DPYSL2: variants seen among roughly 807,000 people sequenced by gnomAD.
DPYSL2 encodes the protein dihydropyrimidinase-related protein 2.
DPYSL2 carries 13 observed loss-of-function variants against 69.9 expected under a neutral mutation model. That is an observed-to-expected ratio of 0.19 (90% CI 0.12 to 0.30). The LOEUF is 0.30. Ranked by LOEUF, DPYSL2 falls within the 10% of genes least tolerant of loss-of-function variation. The pLI is 1.00. For missense variants in DPYSL2, 587 were observed against 918.9 expected (o/e 0.64, Z 4.67); for synonymous variants, 326 against 359.1 (o/e 0.91, Z 1.04).
intron 7 of DPYSL2, among the ~76,000 whole-genome samples, chr8:26,628,391 A>C (rs1228481451): frequency 6.6e-6 from 1 of 152,178 alleles, no homozygotes; most frequent in African/African-American, 2.4e-5. Context: ...ATCACATGAT[A>C]TGCAGAGTTT....
In DPYSL2 at chr8:26,530,174, C is replaced by A. The variant is rs193152387; in HGVS notation, c.354+15495C>A. 5.2e-3 allele frequency among the ~76,000 whole-genome samples: 705 copies of A among 135,372 alleles called. 3 individuals carry two copies. Among genetic ancestry groups the A allele is most frequent in the Non-Finnish European group, 7.2e-3 (442 of 61,360 alleles). 88.8% of individuals were successfully genotyped at this position (135,372 alleles called of 152,430 possible). A position where few individuals can be genotyped will look rare whatever the true frequency, so the allele number is the denominator to read the frequency against. Reference sequence around the variant, plus strand: ...AGAATTAACTGAAAAGAAAAAAAAACCAACAACTATCATCTACAACTCTGT... The same window carrying A: ...AGAATTAACTGAAAAGAAAAAAAAAACAACAACTATCATCTACAACTCTGT... On this transcript the variant is annotated intron_variant, in intron 1 of 13. Coordinates refer to ENST00000521913, the MANE Select transcript of DPYSL2 (RefSeq NM_001197293.3).
intron 1 of DPYSL2, among the ~76,000 whole-genome samples, chr8:26,537,136 T>G (rs1243617671): frequency 6.6e-6 from 1 of 152,208 alleles, no homozygotes. Flanking sequence ...AAAGGGCTAT[T>G]AGGAAGTATA....
At chr8:26,552,601 G>A (rs34810432) in intron 1 of DPYSL2, among the ~76,000 whole-genome samples, 14,919 of 152,220 alleles carry the variant, frequency 0.098, 824 homozygotes, top group Non-Finnish European at 0.12. Flanking sequence ...GCTATTTCTG[G>A]TGCGGGCCTT....
rs1039969762 is a variant in DPYSL2, at chr8:26,516,306, G to A, written c.354+1627G>A. Among the ~76,000 whole-genome samples, 1 of 152,226 alleles carries A rather than the reference G, an allele frequency of 6.6e-6. No homozygotes were observed. Among genetic ancestry groups the A allele is most frequent in the Admixed American group, 6.5e-5 (1 of 15,290 alleles). On this transcript the variant is annotated intron_variant, in intron 1 of 13. Transcript: ENST00000521913. This position sits in a 1 kb window ranked among gnomAD's most constrained non-coding sequence, Gnocchi z 4.8. ...CTTATACTGAAAGCTGAGTGAGTGT[G>A]TGTGAAACACTTCCCTGTGTGAGTA...
chr8:26,547,034 C>T (rs1186084792), intron 1 of DPYSL2, among the ~76,000 whole-genome samples: 1 of 151,280 alleles, frequency 6.6e-6, no homozygotes, highest in Non-Finnish European at 1.5e-5. Flanking sequence ...GACACTTCAC[C>T]TGCAATTGGT....
At chr8:26,553,961 C>T (rs993150076) in intron 1 of DPYSL2, among the ~76,000 whole-genome samples, 11 of 144,492 alleles carry the variant, frequency 7.6e-5, no homozygotes, top group East Asian at 2.1e-4. Context: ...TGCAGTGGCA[C>T]GATCTCTGCA....
Position 26,645,451 on chromosome 8 carries a change from C to CT in DPYSL2, c.1425+1366dup, listed in dbSNP as rs548281153. On this transcript the variant is annotated intron_variant, in intron 10 of 13. Transcript: ENST00000521913. ...GGCATCATACATACTATTTTGTAGT[C>CT]TTTTTTAAAAAAAATTTTATCATGG... Among the ~76,000 whole-genome samples, 560 of 152,026 alleles carry CT rather than the reference C, an allele frequency of 3.7e-3. 9 individuals are homozygous for CT. Among genetic ancestry groups the CT allele is most frequent in the African/African-American group, 0.012 (515 of 41,482 alleles).
rs1208973466 is a variant in DPYSL2 at position 26,654,322 on chromosome 8, T to C, written c.1942+925T>C. ...TTTAAGTTTCCTTGCTTGAAACTTC[T>C]TTCCCATCTTTCATTTGTCCCATGA... On this transcript the variant is annotated intron_variant, in intron 13 of 13. Transcript: ENST00000521913. The surrounding 1 kb of genome is among the most constrained non-coding windows in gnomAD (Gnocchi z 5.0). 2.0e-5 allele frequency among the ~76,000 whole-genome samples: 3 copies of C among 152,190 alleles called. No individual in the cohort carries two copies. The highest frequency in any genetic ancestry group is 6.5e-5 in the Admixed American group (1 of 15,278).
At chr8:26,577,289 C>G (rs961066482) in intron 1 of DPYSL2, 17 of 273,058 alleles carry the variant, frequency 6.2e-5, no homozygotes, top group African/African-American at 4.0e-4. Context: ...CTCTCCGGGG[C>G]CGGGCGTGGC....
chr8:26,537,834 T>C (rs1486902650), intron 1 of DPYSL2, among the ~76,000 whole-genome samples: 2 of 152,226 alleles, frequency 1.3e-5, no homozygotes, highest in Non-Finnish European at 2.9e-5. Flanking sequence ...AATTATCCAA[T>C]AACATTCTTT....
intron 1 of DPYSL2, chr8:26,577,711 C>T (rs1702551127): frequency 1.3e-6 from 1 of 753,362 alleles, no homozygotes; most frequent in Non-Finnish European, 1.6e-6. Context: ...CCGAAGAAAG[C>T]GCGCGAAAGG....
At chr8:26,536,498 C>A (rs1392133536) in intron 1 of DPYSL2, among the ~76,000 whole-genome samples, 1 of 151,950 alleles carries the variant, frequency 6.6e-6, no homozygotes, top group East Asian at 2.0e-4. Flanking sequence ...TGGTGAAACG[C>A]CGTCTCTACT....
chr8:26,592,592 C>T (rs1563400656), intron 3 of DPYSL2, among the ~76,000 whole-genome samples: 1 of 151,794 alleles, frequency 6.6e-6, no homozygotes, highest in African/African-American at 2.4e-5. Flanking sequence ...TCTCCTGTCT[C>T]AGCCTCTCAA....
intron 1 of DPYSL2, among the ~76,000 whole-genome samples, chr8:26,537,488 T>C (rs58992438): frequency 0.028 from 4,274 of 152,240 alleles, 208 homozygotes; most frequent in African/African-American, 0.096. Flanking sequence ...AAAAACTATC[T>C]TTTGGAGAAA....
At chr8:26,528,644 T>TAA (rs371586511) in intron 1 of DPYSL2, among the ~76,000 whole-genome samples, 1 of 115,638 alleles carries the variant, frequency 8.6e-6, no homozygotes, top group African/African-American at 3.3e-5. Context: ...AGACTCTGTC[T>TAA]AAAAAAAAAA....
At chr8:26,637,923 C>T (rs544931184) in intron 8 of DPYSL2, 1 of 152,368 alleles carries the variant, frequency 6.6e-6, no homozygotes, top group South Asian at 2.1e-4. Context: ...AGGGGCTGGT[C>T]TAACCTTGAG....
chr8:26,590,770 C>T (rs899584877), intron 3 of DPYSL2, among the ~76,000 whole-genome samples: 5 of 152,260 alleles, frequency 3.3e-5, no homozygotes, highest in Non-Finnish European at 7.3e-5. Context: ...CTCCTAATGC[C>T]TGGTGCGGTA....
Position 26,658,093 on chromosome 8 carries a change from A to T in DPYSL2, c.*2387A>T, listed in dbSNP as rs1365068372. 3 of 152,568 alleles carry T rather than the reference A, an allele frequency of 2.0e-5. No homozygotes were observed. The highest frequency in any genetic ancestry group is 7.2e-5 in the African/African-American group (3 of 41,416). 9.5% of individuals were successfully genotyped at this position (152,568 alleles called of 1,614,324 possible). Reference sequence around the variant, plus strand: ...GATGGCAAAATAATTATGGTAAAAAACAAGTCTCGTGTTTATTATTCCTTA... The same window carrying T: ...GATGGCAAAATAATTATGGTAAAAATCAAGTCTCGTGTTTATTATTCCTTA... On this transcript the variant is annotated 3_prime_UTR_variant, in exon 14 of 14. Transcript: ENST00000521913. This position sits in a 1 kb window ranked among gnomAD's most constrained non-coding sequence, Gnocchi z 4.7.
At position 26,627,121 on chromosome 8, in the gene DPYSL2, C is replaced by T. The variant is rs1802636754; in HGVS notation, c.856-94C>T. 3.3e-6 allele frequency: 4 copies of T among 1,211,996 alleles called. No individual in the cohort carries two copies. Among genetic ancestry groups the T allele is most frequent in the African/African-American group, 3.0e-5 (2 of 66,854 alleles). 75.1% of individuals were successfully genotyped at this position (1,211,996 alleles called of 1,614,324 possible). On this transcript the variant is annotated intron_variant, in intron 5 of 13. Transcript: ENST00000521913. This position sits in a 1 kb window ranked among gnomAD's most constrained non-coding sequence, Gnocchi z 6.9. ...AGAATCGCCTAGGTGTCCTGTTTCT[C>T]ATCCCAGAAATGCCTCTGGTGGGGA...
Sources: allele counts gnomAD v4.1 joint callset (sites outside exome capture counted in the v4.1 genomes callset), GRCh38; gene constraint gnomAD v4.1.1; non-coding constraint Gnocchi (gnomAD v3.1); transcripts MANE v1.5; gene names NCBI Gene and HGNC (gene_info 2026-07-23, HGNC 2026-07-21).